Variants in PRKAR1B observed in about 807,000 individuals in gnomAD.
The protein encoded by PRKAR1B is protein kinase cAMP-dependent type I regulatory subunit beta, also known as cAMP-dependent protein kinase type I-beta regulatory subunit.
Under a neutral mutation model 46.5 loss-of-function variants are expected in PRKAR1B, and 22 were observed. The ratio of observed to expected loss-of-function variants is 0.47; its 90% CI spans 0.34 to 0.68. The LOEUF (loss-of-function observed/expected upper bound fraction) is 0.68. PRKAR1B is among the 30% of genes least tolerant of loss of function. The probability of loss-of-function intolerance (pLI) is 0.01; values close to 1 mark genes in which losing one functional copy is unlikely to be tolerated. For missense variants in PRKAR1B, 445 were observed against 535.6 expected (o/e 0.83, Z 1.67); for synonymous variants, 259 against 217.7 (o/e 1.19, Z -1.67).
At chr7:703,032 C>T (rs1487576825) in intron 2 of PRKAR1B, among the ~76,000 whole-genome samples, 1 of 151,982 alleles carries the variant, frequency 6.6e-6, no homozygotes, top group African/African-American at 2.4e-5. Flanking sequence ...ATCTATAAGA[C>T]ACACACTTTA....
chr7:709,363 A>G (rs936186741), intron 2 of PRKAR1B, among the ~76,000 whole-genome samples: 4 of 143,294 alleles, frequency 2.8e-5, no homozygotes, highest in African/African-American at 7.7e-5. Context: ...GTGTGTGTGT[A>G]TGTATTTCTT....
intron 4 of PRKAR1B, among the ~76,000 whole-genome samples, chr7:621,840 A>G (rs1403721366): frequency 2.0e-5 from 3 of 152,350 alleles, no homozygotes; most frequent in Non-Finnish European, 4.4e-5. Context: ...CTCAGTGATC[A>G]TGAGGCTTGT....
chr7:670,962 C>T (rs972606294), intron 4 of PRKAR1B, among the ~76,000 whole-genome samples: 2 of 152,264 alleles, frequency 1.3e-5, no homozygotes, highest in Non-Finnish European at 2.9e-5. Context: ...CATCCCAGCC[C>T]ATCTTCAGCC....
At chr7:583,112 G>A (rs930969187) in intron 8 of PRKAR1B, among the ~76,000 whole-genome samples, 6 of 152,088 alleles carry the variant, frequency 3.9e-5, no homozygotes, top group African/African-American at 1.4e-4. Context: ...CTCGGGTGAG[G>A]ACGGGGCTCT....
At chr7:698,156 G>A (rs1779871454) in intron 2 of PRKAR1B, among the ~76,000 whole-genome samples, 1 of 151,906 alleles carries the variant, frequency 6.6e-6, no homozygotes, top group Non-Finnish European at 1.5e-5. Context: ...TGTAATCCCA[G>A]CACTTCGGGA....
At chr7:685,146 T>G (rs916581921) in intron 2 of PRKAR1B, among the ~76,000 whole-genome samples, 3 of 149,200 alleles carry the variant, frequency 2.0e-5, no homozygotes, top group African/African-American at 7.5e-5. Flanking sequence ...AGTAGGAAGA[T>G]ACAACATGAA....
At chr7:595,564 G>A (rs1414708890) in intron 7 of PRKAR1B, among the ~76,000 whole-genome samples, 4 of 152,230 alleles carry the variant, frequency 2.6e-5, no homozygotes, top group Admixed American at 6.5e-5. Context: ...CTCCCCACGA[G>A]CTCACCTCCA....
intron 2 of PRKAR1B, among the ~76,000 whole-genome samples, chr7:695,387 G>A (rs1390896174): frequency 6.6e-6 from 1 of 152,178 alleles, no homozygotes; most frequent in Non-Finnish European, 1.5e-5. Flanking sequence ...ATATCTGGGC[G>A]GGTCCTGGGG....
At chr7:651,638 G>A (rs930058046) in intron 4 of PRKAR1B, among the ~76,000 whole-genome samples, 38 of 149,384 alleles carry the variant, frequency 2.5e-4, no homozygotes, top group Non-Finnish European at 1.3e-4. Context: ...CACCCACACA[G>A]CGCTAGGAAC....
chr7:613,389 A>G (rs1035008315), intron 4 of PRKAR1B, among the ~76,000 whole-genome samples: 2 of 152,126 alleles, frequency 1.3e-5, no homozygotes, highest in Non-Finnish European at 2.9e-5. Context: ...GGCTCTTAAC[A>G]TTTTTAAAGC....
chr7:596,287 C>T lies in PRKAR1B; in HGVS notation c.567G>A (p.Glu189=). ...CTCCCTCGCTGATGTTGGTCACCCA[C>T]TCTCCGTTCACGTACACCTTTGGGG... ...QGEVDVYVNG[E]WVTNISEGGS... Residue 189 remains glutamate (E), a synonymous_variant, in exon 7 of 11, where the codon GAG becomes GAA. Coordinates refer to ENST00000537384, the MANE Select transcript of PRKAR1B (RefSeq NM_001164760.2). 1 of 1,613,312 alleles carries T rather than the reference C, an allele frequency of 6.2e-7. No individual in the cohort carries two copies. The highest frequency in any genetic ancestry group is 2.2e-5 in the East Asian group (1 of 44,852).
rs193209255 is a variant in PRKAR1B at position 719,281 on chromosome 7, C to T, written c.-22-7754G>A. 1.2e-4 allele frequency among the ~76,000 whole-genome samples: 18 copies of T among 152,252 alleles called. No individual in the cohort carries two copies. In the East Asian group the frequency reaches 3.5e-3, roughly 29 times the overall value. On this transcript the variant is annotated intron_variant, in intron 1 of 10. Coordinates refer to ENST00000537384, the MANE Select transcript of PRKAR1B (RefSeq NM_001164760.2). ...TCTCAAACTCCTGAGCTCAAGTGAT[C>T]CACCCGCCTTAGCCTCCCAAAGTGC...
intron 4 of PRKAR1B, among the ~76,000 whole-genome samples, chr7:613,718 G>A (rs898524255): frequency 1.3e-5 from 2 of 152,218 alleles, no homozygotes; most frequent in East Asian, 1.9e-4. Context: ...AAAAAGCCAC[G>A]ACCAGGCCCA....
chr7:719,199 C>T (rs1447227088), intron 1 of PRKAR1B, among the ~76,000 whole-genome samples: 4 of 152,134 alleles, frequency 2.6e-5, no homozygotes, highest in African/African-American at 9.6e-5. Context: ...GCCACCACAC[C>T]CGACTAATTT....
At chr7:606,548 C>A (rs879600947) in intron 5 of PRKAR1B, among the ~76,000 whole-genome samples, 11 of 152,096 alleles carry the variant, frequency 7.2e-5, no homozygotes, top group Admixed American at 6.5e-5. Context: ...CAGGTTCAAG[C>A]GATTCTCCTG....
At chr7:573,829 G>A (rs1414562672) in intron 9 of PRKAR1B, among the ~76,000 whole-genome samples, 1 of 152,204 alleles carries the variant, frequency 6.6e-6, no homozygotes, top group Non-Finnish European at 1.5e-5. Context: ...CCTCCCAGCT[G>A]CGGGAGGCAG....
At chr7:615,840 AAAG>A (rs1483347327) in intron 4 of PRKAR1B, among the ~76,000 whole-genome samples, 6 of 151,074 alleles carry the variant, frequency 4.0e-5, no homozygotes, top group Non-Finnish European at 8.9e-5. Context: ...AAAAAAAAAA[AAAG>A]AAAGCAAGAA....
intron 2 of PRKAR1B, among the ~76,000 whole-genome samples, chr7:695,559 G>A (rs1022288415): frequency 2.6e-5 from 4 of 152,198 alleles, no homozygotes; most frequent in Non-Finnish European, 4.4e-5. Context: ...TGAGATGGGC[G>A]AGGTCACAAG....
intron 6 of PRKAR1B, among the ~76,000 whole-genome samples, chr7:599,672 G>A (rs553843315): frequency 1.3e-5 from 2 of 152,368 alleles, no homozygotes; most frequent in East Asian, 1.9e-4. Context: ...CTCTGGCGCC[G>A]AGCTCACACC....
Sources: allele counts gnomAD v4.1 joint callset (sites outside exome capture counted in the v4.1 genomes callset), GRCh38; gene constraint gnomAD v4.1.1; transcripts MANE v1.5; gene names NCBI Gene and HGNC (gene_info 2026-07-23, HGNC 2026-07-21).